The following DYNC2H1 variants were observed in gnomAD, a reference collection of about 807,000 sequenced individuals.
DYNC2H1 encodes the protein dynein cytoplasmic 2 heavy chain 1.
Under a neutral mutation model 570.0 loss-of-function variants are expected in DYNC2H1, and 410 were observed. The observed-to-expected ratio is 0.72, with a 90% CI of 0.66 to 0.78. The LOEUF is 0.78. Ranked by LOEUF, DYNC2H1 falls within the 30% of genes least tolerant of loss-of-function variation. DYNC2H1 has a pLI of 0.00. For missense variants in DYNC2H1, 4,865 were observed against 5,046.4 expected, an observed-to-expected ratio of 0.96 and a Z score of 1.09; for synonymous variants, 1,688 against 1,677.6, an observed-to-expected ratio of 1.01 and a Z score of -0.15.
rs1194180358 is a variant in DYNC2H1, at chr11:103,264,765, C to T, written c.10695+4788C>T. Among the ~76,000 whole-genome samples, 1 of 152,172 alleles carries T rather than the reference C, an allele frequency of 6.6e-6. No individual in the cohort carries two copies. The highest frequency in any genetic ancestry group is 1.5e-5 in the Non-Finnish European group (1 of 68,034). On this transcript the variant is annotated intron_variant, in intron 70 of 88. Coordinates refer to ENST00000375735, the MANE Select transcript of DYNC2H1 (RefSeq NM_001377.3). This position sits in a 1 kb window ranked among gnomAD's most constrained non-coding sequence, Gnocchi z 4.8. ...AATGTGAATCAATATCAGTATCATA[C>T]TGAATGGGCAAAAGCTGGAAGCATT...
intron 75 of DYNC2H1, among the ~76,000 whole-genome samples, chr11:103,288,784 G>A (rs1290055138): frequency 6.7e-6 from 1 of 149,696 alleles, no homozygotes; most frequent in Non-Finnish European, 1.5e-5. Context: ...GGGAGGCTGA[G>A]GCAGGAGAAA....
chr11:103,365,384 G>A (rs1353521524), intron 83 of DYNC2H1, among the ~76,000 whole-genome samples: 1 of 151,340 alleles, frequency 6.6e-6, no homozygotes, highest in East Asian at 1.9e-4. Flanking sequence ...AAAGTGTATT[G>A]GCCTTTTGTA....
rs577831011 is a variant in DYNC2H1, at chr11:103,289,431, C to T, written c.11095+1826C>T. Among the ~76,000 whole-genome samples the T allele has an allele frequency of 3.8e-4, 58 of 152,240 alleles. No individual in the cohort carries two copies. The highest frequency in any genetic ancestry group is 1.2e-3 in the African/African-American group (51 of 41,566). On this transcript the variant is annotated intron_variant, in intron 75 of 88. Coordinates refer to ENST00000375735, the MANE Select transcript of DYNC2H1 (RefSeq NM_001377.3). The surrounding 1 kb of genome is among the most constrained non-coding windows in gnomAD (Gnocchi z 4.2). ...TTAAAGGCTAGAAGCAAGATGGAGT[C>T]GGTTAGGTCTGATCTCTTTCACTGT...
intron 59 of DYNC2H1, among the ~76,000 whole-genome samples, 153 bp from the exon 60 acceptor site, chr11:103,231,107 G>A (rs753090428): frequency 9.9e-5 from 15 of 152,036 alleles, no homozygotes; most frequent in Non-Finnish European, 1.2e-4. Flanking sequence ...TAATTTTAGC[G>A]TTGCTTTTCA....
intron 17 of DYNC2H1, among the ~76,000 whole-genome samples, chr11:103,137,508 C>G (rs1859635761): frequency 6.6e-6 from 1 of 152,014 alleles, no homozygotes; most frequent in Non-Finnish European, 1.5e-5. Flanking sequence ...GCTTGTTTTT[C>G]TCAGGTTTGT....
At position 103,446,057 on chromosome 11, in the gene DYNC2H1, TG is replaced by T. The variant is rs1944416754; in HGVS notation, c.12457-9128del. Among the ~76,000 whole-genome samples the T allele has an allele frequency of 6.6e-6, 1 of 151,962 alleles. No individual in the cohort carries two copies. Among genetic ancestry groups the T allele is most frequent in the African/African-American group, 2.4e-5 (1 of 41,342 alleles). ...AGAGTTTTGTTGTTGTTGTTGTTGT[TG>T]TTGTTGTTGTTTAGGGAGGAGGGGA... On this transcript the variant is annotated intron_variant, in intron 85 of 88. Transcript: ENST00000375735. The surrounding 1 kb of genome is among the most constrained non-coding windows in gnomAD (Gnocchi z 4.5).
Position 103,257,594 on chromosome 11 carries a change from C to G in DYNC2H1, c.10462-14C>G. ...TGTTTCCACCCTATCCCCTACTGAT[C>G]TCTTGATCCATAGGAACGGGATGCC... On this transcript the variant is annotated splice_polypyrimidine_tract_variant and intron_variant, in intron 68 of 88. Coordinates refer to ENST00000375735, the MANE Select transcript of DYNC2H1 (RefSeq NM_001377.3). 6.2e-7 allele frequency: 1 copy of G among 1,604,106 alleles called. No homozygotes were observed. Among genetic ancestry groups the G allele is most frequent in the South Asian group, 1.1e-5 (1 of 89,024 alleles).
intron 39 of DYNC2H1, among the ~76,000 whole-genome samples, chr11:103,180,640 T>C (rs1470654322): frequency 1.3e-5 from 2 of 151,698 alleles, no homozygotes; most frequent in Non-Finnish European, 3.0e-5. Context: ...TGCTATGTAA[T>C]AGGCCAAATG....
Position 103,415,843 on chromosome 11 carries a change from A to G in DYNC2H1, c.12366+15971A>G, listed in dbSNP as rs1311820573. On this transcript the variant is annotated intron_variant, in intron 84 of 88. Coordinates refer to ENST00000375735, the MANE Select transcript of DYNC2H1 (RefSeq NM_001377.3). ...ATAAATCATGCTACTATAAAGACAC[A>G]TGCGCACATATGTTTATTGCTGCAC... Among the ~76,000 whole-genome samples, 5 of 152,316 alleles carry G rather than the reference A, an allele frequency of 3.3e-5. 1 individual carries two copies. The East Asian group carries it at 7.7e-4, about 24-fold the overall frequency.
intron 75 of DYNC2H1, among the ~76,000 whole-genome samples, chr11:103,296,928 G>C (rs1441289010): frequency 6.6e-6 from 1 of 151,428 alleles, no homozygotes; most frequent in Non-Finnish European, 1.5e-5. Context: ...AACCCTCTTA[G>C]GCTGTTCCTT....
intron 59 of DYNC2H1, among the ~76,000 whole-genome samples, chr11:103,224,620 A>G (rs1290161639): frequency 6.6e-6 from 1 of 152,148 alleles, no homozygotes; most frequent in Non-Finnish European, 1.5e-5. Context: ...TGGGGTATAT[A>G]TATACCACAT....
intron 85 of DYNC2H1, among the ~76,000 whole-genome samples, chr11:103,440,629 T>C (rs1176845184): frequency 6.6e-6 from 1 of 152,158 alleles, no homozygotes; most frequent in East Asian, 1.9e-4. Context: ...CATTAAAGCT[T>C]ATCAGGAAAA....
intron 70 of DYNC2H1, among the ~76,000 whole-genome samples, chr11:103,267,806 G>A (rs117316223): frequency 0.012 from 1,763 of 151,712 alleles, 22 homozygotes; most frequent in Middle Eastern, 0.083. Flanking sequence ...ATATTCATAA[G>A]TACAAATATA....
At chr11:103,119,372 A>G (rs1858577036) in intron 6 of DYNC2H1, among the ~76,000 whole-genome samples, 4 of 151,832 alleles carry the variant, frequency 2.6e-5, no homozygotes, top group Admixed American at 2.6e-4. Flanking sequence ...TGGAATCTCG[A>G]TATGTTGCCC....
intron 13 of DYNC2H1, among the ~76,000 whole-genome samples, chr11:103,132,626 G>T (rs1242365401): frequency 7.5e-6 from 1 of 133,434 alleles, no homozygotes; most frequent in Admixed American, 8.1e-5. Flanking sequence ...TTAGAAAACA[G>T]TCTCTTTGCT....
At chr11:103,426,678 T>C (rs980225932) in intron 84 of DYNC2H1, among the ~76,000 whole-genome samples, 5 of 152,206 alleles carry the variant, frequency 3.3e-5, no homozygotes, top group Admixed American at 3.3e-4. Context: ...TGATGATTGT[T>C]ATCTAGTTTG....
chr11:103,451,343 T>G (rs1305784505), intron 85 of DYNC2H1, among the ~76,000 whole-genome samples: 1 of 129,424 alleles, frequency 7.7e-6, no homozygotes, highest in East Asian at 2.2e-4. Context: ...TTTTTTTTTT[T>G]TTTTTTTTGA....
At chr11:103,227,016 T>C (rs1863827352) in intron 59 of DYNC2H1, among the ~76,000 whole-genome samples, 1 of 152,188 alleles carries the variant, frequency 6.6e-6, no homozygotes, top group African/African-American at 2.4e-5. Context: ...TTTGTATTTC[T>C]GTGGTGTCAG....
At chr11:103,360,188 G>T (rs1255860379) in intron 83 of DYNC2H1, among the ~76,000 whole-genome samples, 1 of 151,710 alleles carries the variant, frequency 6.6e-6, no homozygotes, top group Non-Finnish European at 1.5e-5. Flanking sequence ...CTATTTTAGG[G>T]GAAATCATAA....
Sources: gnomAD v4.1 joint callset for allele counts (sites outside exome capture counted in the v4.1 genomes callset) on GRCh38, gnomAD v4.1.1 for gene constraint, Gnocchi (gnomAD v3.1) non-coding constraint, MANE v1.5 for transcripts, NCBI Gene and HGNC (gene_info 2026-07-23, HGNC 2026-07-21) for gene names.